KIF1A: variants seen among roughly 807,000 people sequenced by gnomAD.
The protein encoded by KIF1A is kinesin-like protein KIF1A.
Under a neutral mutation model 227.3 loss-of-function variants are expected in KIF1A, and 46 were observed. The ratio of observed to expected loss-of-function variants is 0.20; its 90% CI spans 0.16 to 0.26. The LOEUF (loss-of-function observed/expected upper bound fraction) is 0.26, where lower values mean the gene tolerates loss of function less well. Ranked by LOEUF, KIF1A falls within the 10% of genes least tolerant of loss-of-function variation. The probability of loss-of-function intolerance (pLI) is 1.00; values close to 1 mark genes in which losing one functional copy is unlikely to be tolerated. For synonymous variants in KIF1A, 1,022 were observed against 1,012.8 expected, an observed-to-expected ratio of 1.01 and a Z score of -0.17; for missense variants, 1,683 against 2,485.9, an observed-to-expected ratio of 0.68 and a Z score of 6.87.
chr2:240,745,763 A>G lies in KIF1A; in HGVS notation c.3349T>C (p.Tyr1117His), dbSNP rs1459131312. The stretch of plus-strand genomic sequence containing the variant: ...TTGAACTGGCAGAAGATGTCGGCAT[A>G]TTCGGCAGAGATGCTGGACGCCTGC... The part of the protein sequence containing the change: ...VLQASSISAE[Y>H]ADIFCQFNFI... Residue 1117 changes from tyrosine to histidine, a missense_variant, in exon 31 of 49, where the codon TAT becomes CAT. Tyr to His is a moderately conservative substitution (Grantham distance 83). Coordinates refer to ENST00000498729, the MANE Select transcript of KIF1A (RefSeq NM_001244008.2). 1.2e-6 allele frequency: 2 copies of G among 1,612,776 alleles called. No homozygotes were observed. The highest frequency in any genetic ancestry group is 1.7e-6 in the Non-Finnish European group (2 of 1,179,608).
intron 29 of KIF1A, among the ~76,000 whole-genome samples, chr2:240,746,429 A>G (rs1019189278): frequency 5.3e-5 from 8 of 152,196 alleles, no homozygotes; most frequent in African/African-American, 1.9e-4. Context: ...GCTGTCCTGG[A>G]AACAACTCAC....
intron 38 of KIF1A, chr2:240,734,600 G>T: frequency 3.6e-6 from 2 of 559,658 alleles, no homozygotes; most frequent in Non-Finnish European, 6.4e-6. Context: ...ACGTGTGTGA[G>T]GAGTCCAGGA....
rs1449625020 is a variant in KIF1A at position 240,757,443 on chromosome 2, C to T, written c.2734G>A (p.Glu912Lys). 11 of 1,549,868 alleles carry T rather than the reference C, an allele frequency of 7.1e-6. No homozygotes were observed. Among genetic ancestry groups the T allele is most frequent in the African/African-American group, 1.4e-5 (1 of 73,024 alleles). The change falls in exon 27 of 49, where the codon GAG becomes AAG. Residue 912 changes from glutamate (E) to lysine (K), a missense_variant. By Grantham distance (56) the Glu-to-Lys change is moderately conservative (BLOSUM62 1). This residue lies in a region of KIF1A where 759 missense variants were observed against 1,020.2 expected (regional missense o/e 0.74). Coordinates refer to ENST00000498729, the MANE Select transcript of KIF1A (RefSeq NM_001244008.2). The surrounding 1 kb of genome is among the most constrained non-coding windows in gnomAD (Gnocchi z 6.2). Reference sequence around the variant, plus strand: ...TCCTCATCCTCCTCCTCCTCCTCCTCCTCCTCCTCCTCCCCCACGCTCTGC... The same window carrying T: ...TCCTCATCCTCCTCCTCCTCCTCCTTCTCCTCCTCCTCCCCCACGCTCTGC... The part of the protein sequence containing the change: ...EEQSVGEEEE[E>K]EEEEEDEEEE...
intron 38 of KIF1A, chr2:240,728,543 C>T (rs1242880320): frequency 1.9e-6 from 1 of 531,382 alleles, no homozygotes; most frequent in South Asian, 1.6e-5. Context: ...TCTCACGGCC[C>T]CCAGGCTCTC....
rs2047761660 is a variant in KIF1A, at chr2:240,739,975, G to A, written c.3901+83C>T. The A allele has an allele frequency of 2.6e-5, 28 of 1,095,854 alleles. No homozygotes were observed. Among genetic ancestry groups the A allele is most frequent in the Non-Finnish European group, 3.3e-5 (24 of 735,780 alleles). The allele number at this position is 1,095,854 out of a possible 1,614,324, so 67.9% of individuals were successfully genotyped here. On this transcript the variant is annotated intron_variant, in intron 37 of 48. Transcript: ENST00000498729. This position sits in a 1 kb window ranked among gnomAD's most constrained non-coding sequence, Gnocchi z 5.6. ...AGCAACAGACGCAGAGGTGTGGTTA[G>A]AACCCGGGTATCCAGCTCAGGGCCT...
intron 38 of KIF1A, among the ~76,000 whole-genome samples, chr2:240,727,989 A>C (rs901088745): frequency 2.0e-5 from 3 of 152,052 alleles, no homozygotes; most frequent in Non-Finnish European, 4.4e-5. Flanking sequence ...CGCCCACCCC[A>C]CCATCCACCC....
rs570711192 is a variant in KIF1A, at chr2:240,817,546, C to A, written c.-61+2576G>T. Among the ~76,000 whole-genome samples the A allele has an allele frequency of 2.6e-5, 4 of 152,320 alleles. No individual in the cohort carries two copies. The South Asian group carries it at 8.3e-4, about 32-fold the overall frequency. On this transcript the variant is annotated intron_variant, in intron 1 of 48. Transcript: ENST00000498729. ...CTCCCAGCTCACTGATAGATGTGCA[C>A]GGATGGTCTCAGGCCTGACGGGATT...
intron 17 of KIF1A, 109 bp downstream of exon 17, chr2:240,769,024 C>T (rs2051577126): frequency 2.1e-6 from 2 of 948,572 alleles, no homozygotes; most frequent in South Asian, 2.8e-5. Flanking sequence ...GGCCAGAGCC[C>T]CACCGTGCTC....
intron 1 of KIF1A, among the ~76,000 whole-genome samples, chr2:240,803,241 C>T (rs968831665): frequency 6.6e-6 from 1 of 152,202 alleles, no homozygotes; most frequent in African/African-American, 2.4e-5. Context: ...AAAGGTCCTG[C>T]GGAAGGTAGC....
chr2:240,769,741 G>A (rs1305238611), intron 15 of KIF1A, 35 bp from the exon 16 acceptor site: 2 of 1,574,186 alleles, frequency 1.3e-6, no homozygotes, highest in Non-Finnish European at 1.7e-6. Context: ...GAGCTGCCGG[G>A]GCTAGGGCCA....
rs1368107673 is a variant in KIF1A at position 240,792,552 on chromosome 2, C to T, written c.107-3240G>A. On this transcript the variant is annotated intron_variant, in intron 2 of 48. Transcript: ENST00000498729. This position sits in a 1 kb window ranked among gnomAD's most constrained non-coding sequence, Gnocchi z 4.5. ...GGGTTGGGGTGAGGAGTGGGGGGAG[C>T]TGGAAGAAGGGGGACGGGAAAGGAA... 6.6e-6 allele frequency among the ~76,000 whole-genome samples: 1 copy of T among 151,316 alleles called. No homozygotes were observed. Among genetic ancestry groups the T allele is most frequent in the Non-Finnish European group, 1.5e-5 (1 of 67,800 alleles).
intron 1 of KIF1A, among the ~76,000 whole-genome samples, chr2:240,804,338 G>T (rs74002939): frequency 0.013 from 2,017 of 152,272 alleles, 34 homozygotes; most frequent in African/African-American, 0.045. Context: ...TTCTACTTCT[G>T]CAGTATGGTG....
rs35848053 is a variant in KIF1A at position 240,759,144 on chromosome 2, A to AGTGT, written c.2445-651_2445-648dup. ...GTGCACATCTTCATGAATGCTTATGAGTGTGTGTGTGTGTGTGTGTGTGTT... is the reference window on the plus strand; with the variant it reads ...GTGCACATCTTCATGAATGCTTATGAGTGTGTGTGTGTGTGTGTGTGTGTGTGTT... On this transcript the variant is annotated intron_variant, in intron 25 of 48. Transcript: ENST00000498729. Among the ~76,000 whole-genome samples the AGTGT allele has an allele frequency of 7.3e-3, 1,086 of 148,792 alleles. 3 individuals carry two copies. Among genetic ancestry groups the AGTGT allele is most frequent in the Non-Finnish European group, 0.013 (844 of 67,340 alleles).
At chr2:240,808,936 T>C (rs2057653589) in intron 1 of KIF1A, among the ~76,000 whole-genome samples, 1 of 151,958 alleles carries the variant, frequency 6.6e-6, no homozygotes, top group Non-Finnish European at 1.5e-5. Context: ...TTCACTGTGT[T>C]GGCCAGGCTG....
chr2:240,796,732 GA>G (rs1200147985), intron 2 of KIF1A, among the ~76,000 whole-genome samples: 1 of 152,110 alleles, frequency 6.6e-6, no homozygotes, highest in Non-Finnish European at 1.5e-5. Flanking sequence ...CTTCTGGAAG[GA>G]TCATCCCTGG....
Position 240,788,048 on chromosome 2 carries a change from T to A in KIF1A, c.363+3A>T. The A allele has an allele frequency of 1.1e-6, 1 of 923,192 alleles. No homozygotes were observed. 57.2% of individuals were successfully genotyped at this position (923,192 alleles called of 1,614,324 possible). ...CTGCCCCCGCCCGCCCCCCGCTTCG[T>A]GCCTGTGGGATGATGCCCTGCTGGT... On this transcript the variant is annotated splice_donor_region_variant and intron_variant, in intron 4 of 48. Coordinates refer to ENST00000498729, the MANE Select transcript of KIF1A (RefSeq NM_001244008.2). This position sits in a 1 kb window ranked among gnomAD's most constrained non-coding sequence, Gnocchi z 6.6.
chr2:240,781,896 CCT>C lies in KIF1A; in HGVS notation c.882+692_882+693del, dbSNP rs2054076322. ...CACGTGTTCTTAGTCTCTTGGAACT[CCT>C]CACACGGGCCGCACAGCTCTTCACA... On this transcript the variant is annotated intron_variant, in intron 10 of 48. Transcript: ENST00000498729. The C allele has an allele frequency of 9.1e-6, 9 of 985,432 alleles. No homozygotes were observed. The South Asian group carries it at 4.2e-4, about 46-fold the overall frequency. The allele number at this position is 985,432 out of a possible 1,614,324, so 61.0% of individuals were successfully genotyped here. A position where few individuals can be genotyped will look rare whatever the true frequency, so the allele number is the denominator to read the frequency against.
Position 240,792,008 on chromosome 2 carries a change from C to A in KIF1A, c.107-2696G>T, listed in dbSNP as rs1226777703. Among the ~76,000 whole-genome samples the A allele has an allele frequency of 6.6e-6, 1 of 150,842 alleles. No individual in the cohort carries two copies. The highest frequency in any genetic ancestry group is 2.4e-5 in the African/African-American group (1 of 40,982). ...CCATGTATTGTGTCTGGGAGCCCCA[C>A]CCCACCCTGGCCCTGCCACCCCTCC... On this transcript the variant is annotated intron_variant, in intron 2 of 48. Coordinates refer to ENST00000498729, the MANE Select transcript of KIF1A (RefSeq NM_001244008.2). This position sits in a 1 kb window ranked among gnomAD's most constrained non-coding sequence, Gnocchi z 4.5.
chr2:240,811,134 G>A (rs2057830797), intron 1 of KIF1A, among the ~76,000 whole-genome samples: 1 of 152,190 alleles, frequency 6.6e-6, no homozygotes, highest in African/African-American at 2.4e-5. Flanking sequence ...GGCCGAGGTG[G>A]GCAGATCACT....
Sources: allele counts gnomAD v4.1 joint callset (sites outside exome capture counted in the v4.1 genomes callset), GRCh38; gene constraint gnomAD v4.1.1; regional missense constraint gnomAD v4.1.1; non-coding constraint Gnocchi (gnomAD v3.1); transcripts MANE v1.5; gene names NCBI Gene and HGNC (gene_info 2026-07-23, HGNC 2026-07-21).